Variants in MTO1 observed in about 807,000 individuals in gnomAD.
MTO1 encodes the protein mitochondrial tRNA translation optimization 1.
Under a neutral mutation model 71.6 loss-of-function variants are expected in MTO1, and 46 were observed. The ratio of observed to expected loss-of-function variants is 0.64; its 90% CI spans 0.51 to 0.82. MTO1 has a LOEUF of 0.82. Among genes scored for constraint, MTO1 ranks in the 40% least tolerant of loss-of-function variants. MTO1 has a pLI of 0.00. For missense variants in MTO1, 773 were observed against 867.5 expected (o/e 0.89, Z 1.37); for synonymous variants, 297 against 312.1 (o/e 0.95, Z 0.51).
At chr6:73,463,021 T>G (rs1042983008) in intron 1 of MTO1, among the ~76,000 whole-genome samples, 5 of 129,472 alleles carry the variant, frequency 3.9e-5, no homozygotes, top group African/African-American at 1.3e-4. Flanking sequence ...CCATGCTACC[T>G]TTTTTTTTTT....
At chr6:73,463,014 T>G (rs180733995) in intron 1 of MTO1, among the ~76,000 whole-genome samples, 20 of 150,600 alleles carry the variant, frequency 1.3e-4, no homozygotes, top group Non-Finnish European at 1.0e-4. Context: ...GGAAGAACCA[T>G]GCTACCTTTT....
At chr6:73,477,104 A>T (rs2150033915) in intron 4 of MTO1, among the ~76,000 whole-genome samples, 1 of 150,090 alleles carries the variant, frequency 6.7e-6, no homozygotes, top group East Asian at 2.1e-4. Flanking sequence ...TTTTTTAAAG[A>T]CAGAAAAGAG....
intron 4 of MTO1, among the ~76,000 whole-genome samples, chr6:73,475,242 C>T (rs1771279420): frequency 6.6e-6 from 1 of 151,990 alleles, no homozygotes; most frequent in African/African-American, 2.4e-5. Context: ...GGATTACAGG[C>T]ATGAGCGACC....
chr6:73,476,790 A>T lies in MTO1; in HGVS notation c.826-2942A>T, dbSNP rs531131937. On this transcript the variant is annotated intron_variant, in intron 4 of 11. Coordinates refer to ENST00000498286, the MANE Select transcript of MTO1 (RefSeq NM_012123.4). ...ACGATGCAGGGACAATAAAATTTAA[A>T]TTTTTTTTTTTTTTTTGAGACGGAG... is the stretch of plus-strand genomic sequence containing the variant. Among the ~76,000 whole-genome samples, 476 of 142,918 alleles carry T rather than the reference A, an allele frequency of 3.3e-3. 1 individual carries two copies. Among genetic ancestry groups the T allele is most frequent in the Non-Finnish European group, 5.2e-3 (339 of 64,868 alleles). 93.8% of individuals were successfully genotyped at this position (142,918 alleles called of 152,430 possible).
Position 73,483,818 on chromosome 6 carries a change from ACT to A in MTO1, c.1637+1201_1637+1202del, listed in dbSNP as rs1439659604. The stretch of plus-strand genomic sequence containing the variant: ...TTTTTTTTTTTTGAGATGGAGTCTC[ACT>A]CTGTCAGGAGTGCAATGGCATGATC... On this transcript the variant is annotated intron_variant, in intron 9 of 11. Transcript: ENST00000498286. Among the ~76,000 whole-genome samples the A allele has an allele frequency of 7.5e-5, 9 of 119,590 alleles. No homozygotes were observed. The East Asian group carries it at 2.2e-3, about 29-fold the overall frequency. The allele number at this position is 119,590 out of a possible 152,430, so 78.5% of individuals were successfully genotyped here.
intron 3 of MTO1, chr6:73,471,460 G>T (rs1343502382): frequency 6.8e-6 from 3 of 444,174 alleles, no homozygotes; most frequent in South Asian, 3.2e-5. Context: ...TCTTTCTTAG[G>T]CTGGAGTGCA....
chr6:73,477,753 T>A (rs528570054), intron 4 of MTO1, among the ~76,000 whole-genome samples: 199 of 152,042 alleles, frequency 1.3e-3, no homozygotes, highest in Non-Finnish European at 2.0e-3. Context: ...GGGATCTGCC[T>A]GCCTTGGGCC....
chr6:73,481,720 A>G (rs1771496113), intron 7 of MTO1, among the ~76,000 whole-genome samples: 1 of 152,110 alleles, frequency 6.6e-6, no homozygotes, highest in African/African-American at 2.4e-5. Flanking sequence ...GTGAGCCAAG[A>G]TTATGCCATT....
chr6:73,466,323 A>G lies in MTO1; in HGVS notation c.332A>G (p.Tyr111Cys). The G allele has an allele frequency of 3.1e-6, 5 of 1,614,188 alleles. No homozygotes were observed. Among genetic ancestry groups the G allele is most frequent in the Non-Finnish European group, 3.4e-6 (4 of 1,180,040 alleles). The part of the protein sequence containing the change: ...SRICDQSGVH[Y>C]KVLNRRKGPA... ...ATCTGTGACCAGTCTGGTGTACATT[A>G]TAAAGTATTAAACCGGCGTAAGGGA... Residue 111 changes from tyrosine (Y) to cysteine (C), a missense_variant, in exon 2 of 12, where the codon TAT (tyrosine) becomes TGT (cysteine). Coordinates refer to ENST00000498286, the MANE Select transcript of MTO1 (RefSeq NM_012123.4).
chr6:73,487,614 C>T (rs1771693218), intron 9 of MTO1: 1 of 148,148 alleles, frequency 6.8e-6, no homozygotes, highest in Non-Finnish European at 1.5e-5. Flanking sequence ...GCTATGTTTC[C>T]CAGGCTGGAG....
At chr6:73,493,354 ATG>A (rs144509962) in intron 10 of MTO1, among the ~76,000 whole-genome samples, 13,537 of 139,316 alleles carry the variant, frequency 0.097, 687 homozygotes, top group Middle Eastern at 0.15. Flanking sequence ...ATGTGCATGT[ATG>A]TGTGTGTGTG....
chr6:73,478,309 G>A (rs565241259), intron 4 of MTO1, among the ~76,000 whole-genome samples: 97 of 151,742 alleles, frequency 6.4e-4, no homozygotes, highest in African/African-American at 2.1e-3. Flanking sequence ...GCCAGGCACA[G>A]TGACTCTCAC....
intron 1 of MTO1, among the ~76,000 whole-genome samples, chr6:73,464,672 AAAAAG>A (rs905290541): frequency 3.3e-5 from 5 of 151,244 alleles, no homozygotes; most frequent in African/African-American, 9.7e-5. Flanking sequence ...AAAAAAAAAA[AAAAAG>A]AAAGAAAATT....
chr6:73,469,272 C>T (rs1771079693), intron 3 of MTO1, among the ~76,000 whole-genome samples: 1 of 152,110 alleles, frequency 6.6e-6, no homozygotes. Flanking sequence ...CCCACCTCAA[C>T]CACCCAAAGT....
intron 4 of MTO1, among the ~76,000 whole-genome samples, chr6:73,477,828 A>C (rs933563946): frequency 1.6e-4 from 24 of 151,920 alleles, no homozygotes; most frequent in Non-Finnish European, 3.1e-4. Context: ...TTTTATTCCC[A>C]ATCAAGGGTC....
intron 7 of MTO1, 176 bp downstream of exon 7, chr6:73,480,981 T>G (rs960196199): frequency 1.3e-4 from 80 of 639,556 alleles, no homozygotes; most frequent in African/African-American, 1.2e-3. Context: ...TTTTTTTTTT[T>G]TTTTTTTTTT....
At chr6:73,485,329 G>A (rs1035040646) in intron 9 of MTO1, among the ~76,000 whole-genome samples, 1 of 151,998 alleles carries the variant, frequency 6.6e-6, no homozygotes, top group Non-Finnish European at 1.5e-5. Flanking sequence ...AGTTTAAAAA[G>A]GTAATTTGGC....
Position 73,504,348 on chromosome 6 carries a change from C to T in MTO1, c.*3613C>T, listed in dbSNP as rs990710410. 3 of 152,238 alleles carry T rather than the reference C, an allele frequency of 2.0e-5. No homozygotes were observed. Among genetic ancestry groups the T allele is most frequent in the African/African-American group, 7.2e-5 (3 of 41,432 alleles). The allele number at this position is 152,238 out of a possible 1,614,324, so 9.4% of individuals were successfully genotyped here. A position where few individuals can be genotyped will look rare whatever the true frequency, so the allele number is the denominator to read the frequency against. On this transcript the variant is annotated 3_prime_UTR_variant, in exon 12 of 12. Transcript: ENST00000498286. ...GTCTTACTATGTTGCCCAGGCTGGT[C>T]TCAAAGTCCTGGGCTCAATTAATCC...
chr6:73,498,891 A>AT (rs1229091343), intron 11 of MTO1, among the ~76,000 whole-genome samples: 1 of 151,128 alleles, frequency 6.6e-6, no homozygotes, highest in Non-Finnish European at 1.5e-5. Context: ...CACTCAGCTA[A>AT]TTTTTTTTTG....
Sources: allele counts gnomAD v4.1 joint callset (sites outside exome capture counted in the v4.1 genomes callset), GRCh38; gene constraint gnomAD v4.1.1; transcripts MANE v1.5; gene names NCBI Gene and HGNC (gene_info 2026-07-23, HGNC 2026-07-21).